DENND2B: variants seen among roughly 807,000 people sequenced by gnomAD.
The protein encoded by DENND2B is DENN domain containing 2B.
DENND2B carries 32 observed loss-of-function variants against 116.0 expected under a neutral mutation model. That is an observed-to-expected ratio of 0.28 (90% CI 0.21 to 0.37). The LOEUF (loss-of-function observed/expected upper bound fraction) is 0.37, where lower values mean the gene tolerates loss of function less well. Among genes scored for constraint, DENND2B ranks in the 10% least tolerant of loss-of-function variants. The pLI, the probability that DENND2B is intolerant of heterozygous loss-of-function variation, is 1.00. For missense variants in DENND2B, 1,276 were observed against 1,477.7 expected (o/e 0.86, Z 2.24); for synonymous variants, 588 against 583.9 (o/e 1.01, Z -0.10).
chr11:8,900,920 G>C (rs1489820575), intron 1 of DENND2B, among the ~76,000 whole-genome samples: 1 of 151,750 alleles, frequency 6.6e-6, no homozygotes, highest in East Asian at 2.0e-4. Context: ...AGTGAGCCGA[G>C]ATCATGCCAT....
At chr11:8,751,462 A>G (rs1247422351) in intron 1 of DENND2B, among the ~76,000 whole-genome samples, 1 of 152,188 alleles carries the variant, frequency 6.6e-6, no homozygotes, top group Non-Finnish European at 1.5e-5. Context: ...TCGCCCTGCA[A>G]TAAATCTTGC....
chr11:8,706,951 T>C, intron 13 of DENND2B, 134 bp downstream of exon 13: 1 of 1,165,640 alleles, frequency 8.6e-7, no homozygotes, highest in South Asian at 1.8e-5. Context: ...TGGTCCCTAG[T>C]GATGGGGTAC....
chr11:8,737,047 G>A (rs2049180771), intron 2 of DENND2B, among the ~76,000 whole-genome samples: 1 of 152,196 alleles, frequency 6.6e-6, no homozygotes, highest in South Asian at 2.1e-4. Flanking sequence ...TACTTTGAGG[G>A]CTGGGCCAAT....
chr11:8,843,065 G>A (rs2062680120), intron 3 of DENND2B, among the ~76,000 whole-genome samples: 1 of 151,816 alleles, frequency 6.6e-6, no homozygotes, highest in African/African-American at 2.4e-5. Flanking sequence ...CACCCAGGCT[G>A]GAGTGCAGTG....
At chr11:8,898,130 T>G (rs1212346090) in intron 1 of DENND2B, among the ~76,000 whole-genome samples, 1 of 152,218 alleles carries the variant, frequency 6.6e-6, no homozygotes, top group Non-Finnish European at 1.5e-5. Context: ...TAGCAAACAG[T>G]AGAGCCTTAC....
intron 1 of DENND2B, among the ~76,000 whole-genome samples, chr11:8,897,048 G>A (rs1007517696): frequency 2.0e-5 from 3 of 151,840 alleles, no homozygotes; most frequent in African/African-American, 7.3e-5. Context: ...AGACCAGCCT[G>A]GCCAACATGG....
At chr11:8,783,685 A>G (rs77117687) in intron 1 of DENND2B, among the ~76,000 whole-genome samples, 7,249 of 152,342 alleles carry the variant, frequency 0.048, 249 homozygotes, top group Non-Finnish European at 0.076. Context: ...AGAAAAATCA[A>G]TAAAGCTAGT....
intron 11 of DENND2B, 173 bp from the exon 12 acceptor site, chr11:8,708,027 ACT>A: frequency 3.3e-6 from 5 of 1,522,580 alleles, no homozygotes; most frequent in Non-Finnish European, 3.5e-6. Context: ...AACAGCCACC[ACT>A]CTCAGGACAG....
intron 2 of DENND2B, among the ~76,000 whole-genome samples, chr11:8,749,843 T>A (rs889622640): frequency 2.0e-5 from 3 of 152,150 alleles, no homozygotes; most frequent in East Asian, 1.9e-4. Context: ...TAAAAAAGAC[T>A]AAAGGTTCTT....
rs2042775489 is a variant in DENND2B at position 8,707,324 on chromosome 11, GC to G, written c.2431-100del. 1.4e-6 allele frequency: 2 copies of G among 1,472,148 alleles called. No homozygotes were observed. The highest frequency in any genetic ancestry group is 1.8e-6 in the Non-Finnish European group (2 of 1,101,580). The allele number at this position is 1,472,148 out of a possible 1,614,324, so 91.2% of individuals were successfully genotyped here. ...GGCAGCCAAGCATCTGACCAGGCTA[GC>G]CCAGAAGCTGGGAGACGGGAAGGTG... On this transcript the variant is annotated intron_variant, in intron 12 of 19. Coordinates refer to ENST00000313726, the MANE Select transcript of DENND2B (RefSeq NM_213618.2). The surrounding 1 kb of genome is among the most constrained non-coding windows in gnomAD (Gnocchi z 4.8).
chr11:8,854,306 A>G (rs929313960), intron 3 of DENND2B, among the ~76,000 whole-genome samples: 2 of 151,994 alleles, frequency 1.3e-5, no homozygotes, highest in Non-Finnish European at 2.9e-5. Context: ...GGTTCAAGCA[A>G]TTCTCCTGCC....
At chr11:8,909,382 A>T (rs1392275681) in intron 1 of DENND2B, among the ~76,000 whole-genome samples, 1 of 151,550 alleles carries the variant, frequency 6.6e-6, no homozygotes, top group African/African-American at 2.4e-5. Context: ...AACAAAAAAG[A>T]AGAAGAAGGA....
intron 2 of DENND2B, among the ~76,000 whole-genome samples, chr11:8,864,743 T>C (rs2063520108): frequency 6.6e-6 from 1 of 152,200 alleles, no homozygotes; most frequent in African/African-American, 2.4e-5. Flanking sequence ...AGTATATAAA[T>C]GATAGTGATA....
At chr11:8,743,891 T>A (rs1221269337) in intron 2 of DENND2B, among the ~76,000 whole-genome samples, 1 of 151,696 alleles carries the variant, frequency 6.6e-6, no homozygotes, top group Non-Finnish European at 1.5e-5. Flanking sequence ...GGACTACAGG[T>A]ATGCACTACC....
intron 1 of DENND2B, chr11:8,774,284 TC>T: frequency 2.0e-6 from 2 of 985,376 alleles, no homozygotes; most frequent in Non-Finnish European, 2.4e-6. Context: ...GACACTTTAA[TC>T]CCAAAGCACA....
At chr11:8,699,023 A>G (rs768365376) in intron 15 of DENND2B, 49 bp from the exon 16 acceptor site, 6 of 1,609,318 alleles carry the variant, frequency 3.7e-6, no homozygotes, top group Non-Finnish European at 5.1e-6. Flanking sequence ...GAGTCCCGCA[A>G]TGCCCTCTGC....
Position 8,715,735 on chromosome 11 carries a change from C to T in DENND2B, c.1713G>A (p.Lys571=), listed in dbSNP as rs139182184. The T allele has an allele frequency of 1.4e-5, 23 of 1,614,084 alleles. No homozygotes were observed. The highest frequency in any genetic ancestry group is 1.9e-5 in the Non-Finnish European group (23 of 1,180,012). ...RKSHRLPRLP[K]RHSHDDMLLL... is the part of the protein sequence containing the mutation. ...GCAGCATGTCGTCATGGCTGTGCCT[C>T]TTGGGTAATCGTGGCAGCCGGTGGC... Residue 571 remains lysine (K), a synonymous_variant, in exon 6 of 20, where the codon AAG becomes AAA. Coordinates refer to ENST00000313726, the MANE Select transcript of DENND2B (RefSeq NM_213618.2).
At chr11:8,751,384 G>C (rs1256228542) in intron 1 of DENND2B, among the ~76,000 whole-genome samples, 2 of 152,130 alleles carry the variant, frequency 1.3e-5, no homozygotes, top group East Asian at 3.9e-4. Context: ...GGGAATAAAA[G>C]CAGGCTGCCC....
intron 2 of DENND2B, among the ~76,000 whole-genome samples, chr11:8,745,720 T>C (rs945469059): frequency 6.6e-5 from 10 of 152,226 alleles, no homozygotes; most frequent in Non-Finnish European, 1.3e-4. Context: ...TTTTGCCTTG[T>C]TCTCTTGGGA....
Sources: gnomAD v4.1 joint callset for allele counts (sites outside exome capture counted in the v4.1 genomes callset) on GRCh38, gnomAD v4.1.1 for gene constraint, Gnocchi (gnomAD v3.1) non-coding constraint, MANE v1.5 for transcripts, NCBI Gene and HGNC (gene_info 2026-07-23, HGNC 2026-07-21) for gene names.